Variants in DOCK3 observed in about 807,000 individuals in gnomAD.
DOCK3 encodes the protein dedicator of cytokinesis protein 3.
In DOCK3, 60 loss-of-function variants were observed where a neutral mutation model predicts 265.6. The observed-to-expected ratio is 0.23, with a 90% CI of 0.18 to 0.28. DOCK3 has a LOEUF of 0.28. Ranked by LOEUF, DOCK3 falls within the 10% of genes least tolerant of loss-of-function variation. The pLI is 1.00. For synonymous variants in DOCK3, 881 were observed against 938.0 expected, an observed-to-expected ratio of 0.94 and a Z score of 1.11; for missense variants, 1,981 against 2,594.3, an observed-to-expected ratio of 0.76 and a Z score of 5.14.
intron 3 of DOCK3, among the ~76,000 whole-genome samples, chr3:50,841,993 A>C (rs2045866198): frequency 1.3e-5 from 2 of 152,170 alleles, no homozygotes; most frequent in South Asian, 4.1e-4. Context: ...TTTGACAAAA[A>C]GTACATTGAC....
In DOCK3 at chr3:50,948,021, AATTATTATTATTATT is replaced by A. The variant is rs374547418; in HGVS notation, c.315+13981_315+13995del. On this transcript the variant is annotated intron_variant, in intron 5 of 52. Coordinates refer to ENST00000266037, the MANE Select transcript of DOCK3 (RefSeq NM_004947.5). ...CAGGCACCTGCCACCACGCCCAGCT[AATTATTATTATTATT>A]ATTATTATTATTATTATTATTATTA... Among the ~76,000 whole-genome samples the A allele has an allele frequency of 1.3e-3, 159 of 120,326 alleles. 4 individuals carry two copies. The highest frequency in any genetic ancestry group is 4.1e-3 in the African/African-American group (129 of 31,120). The allele number at this position is 120,326 out of a possible 152,430, so 78.9% of individuals were successfully genotyped here. A position where few individuals can be genotyped will look rare whatever the true frequency, so the allele number is the denominator to read the frequency against.
chr3:51,365,281 TA>T (rs1319440420), intron 49 of DOCK3, among the ~76,000 whole-genome samples: 1 of 152,236 alleles, frequency 6.6e-6, no homozygotes, highest in African/African-American at 2.4e-5. Context: ...GATTTGGCTC[TA>T]TGTTTGTCTG....
chr3:50,914,307 T>C (rs1031915853), intron 4 of DOCK3, among the ~76,000 whole-genome samples: 1 of 152,086 alleles, frequency 6.6e-6, no homozygotes, highest in African/African-American at 2.4e-5. Flanking sequence ...ATTTGAGAGC[T>C]TTCTACTTTT....
chr3:51,089,168 C>T, intron 7 of DOCK3, 75 bp from the exon 8 acceptor site: 2 of 1,470,978 alleles, frequency 1.4e-6, no homozygotes, highest in Non-Finnish European at 9.3e-7. Context: ...GCAGACTGCC[C>T]AGCATATAGA....
intron 4 of DOCK3, among the ~76,000 whole-genome samples, chr3:50,901,462 C>CA (rs2049191825): frequency 6.6e-6 from 1 of 151,974 alleles, no homozygotes; most frequent in African/African-American, 2.4e-5. Flanking sequence ...TGGCTTCACC[C>CA]CCTTTCTAGG....
chr3:51,011,120 G>A (rs2078933177), intron 5 of DOCK3, among the ~76,000 whole-genome samples: 1 of 152,158 alleles, frequency 6.6e-6, no homozygotes, highest in African/African-American at 2.4e-5. Flanking sequence ...TTCTCGAGGA[G>A]TGTCTTTATG....
chr3:50,799,820 G>T (rs1224389872), intron 2 of DOCK3, among the ~76,000 whole-genome samples: 3 of 152,088 alleles, frequency 2.0e-5, no homozygotes, highest in Non-Finnish European at 4.4e-5. Flanking sequence ...CATTCCAGAA[G>T]ATGCTAGCTG....
chr3:51,219,328 C>A (rs1011426507), intron 14 of DOCK3, among the ~76,000 whole-genome samples: 1 of 152,082 alleles, frequency 6.6e-6, no homozygotes, highest in African/African-American at 2.4e-5. Context: ...TGCTTATTGC[C>A]TGCTTTGTTC....
chr3:51,324,381 G>A (rs1029428796), intron 32 of DOCK3, among the ~76,000 whole-genome samples: 8 of 144,174 alleles, frequency 5.5e-5, no homozygotes, highest in South Asian at 2.3e-4. Flanking sequence ...GAAGGACCCC[G>A]TCAAGGAGAA....
intron 5 of DOCK3, among the ~76,000 whole-genome samples, chr3:51,008,089 T>C (rs1027102017): frequency 6.6e-6 from 1 of 152,170 alleles, no homozygotes; most frequent in African/African-American, 2.4e-5. Flanking sequence ...GGCTTAGGAT[T>C]GTGTTGGCAA....
intron 27 of DOCK3, among the ~76,000 whole-genome samples, chr3:51,285,215 C>T (rs2081342379): frequency 6.6e-6 from 1 of 152,008 alleles, no homozygotes; most frequent in Admixed American, 6.6e-5. Context: ...GATCCTTCTA[C>T]ACAAGGCCAA....
At chr3:50,974,656 G>T (rs1234778720) in intron 5 of DOCK3, among the ~76,000 whole-genome samples, 1 of 100,862 alleles carries the variant, frequency 9.9e-6, no homozygotes, top group Non-Finnish European at 2.1e-5. Context: ...CTTTAAAGTA[G>T]TTTTTTCCAA....
chr3:51,326,582 T>TG (rs2084131634), intron 32 of DOCK3, among the ~76,000 whole-genome samples: 4 of 119,152 alleles, frequency 3.4e-5, no homozygotes, highest in Middle Eastern at 3.9e-3. Context: ...GCCTGGCATG[T>TG]TTTGTTGTTG....
intron 12 of DOCK3, among the ~76,000 whole-genome samples, chr3:51,176,089 T>C (rs114518732): frequency 3.7e-4 from 57 of 152,350 alleles, no homozygotes; most frequent in Non-Finnish European, 6.8e-4. Context: ...TGTTTGTATA[T>C]TATTTCTGCT....
intron 5 of DOCK3, among the ~76,000 whole-genome samples, chr3:50,937,275 C>G: frequency 3.9e-5 from 1 of 25,592 alleles, no homozygotes; most frequent in South Asian, 2.2e-3. Flanking sequence ...AAAACTCCAT[C>G]TAAAAAAAAA....
At chr3:51,082,824 G>T (rs2082289897) in intron 7 of DOCK3, among the ~76,000 whole-genome samples, 2 of 152,262 alleles carry the variant, frequency 1.3e-5, no homozygotes, top group South Asian at 4.1e-4. Context: ...AGACCTATAG[G>T]ATAGGTCTGT....
At chr3:50,847,197 T>C (rs1013254549) in intron 3 of DOCK3, among the ~76,000 whole-genome samples, 11 of 152,058 alleles carry the variant, frequency 7.2e-5, no homozygotes, top group Non-Finnish European at 1.5e-4. Flanking sequence ...TTTTAAAGAG[T>C]TTTTTGATTT....
intron 20 of DOCK3, 99 bp downstream of exon 20, chr3:51,236,527 A>T: frequency 9.2e-7 from 1 of 1,081,844 alleles, no homozygotes; most frequent in Non-Finnish European, 1.4e-6. Flanking sequence ...TCAGCACAAG[A>T]TATAGATGTT....
At chr3:51,077,448 CAGG>C (rs757194805) in intron 7 of DOCK3, among the ~76,000 whole-genome samples, 1 of 152,050 alleles carries the variant, frequency 6.6e-6, no homozygotes, top group Non-Finnish European at 1.5e-5. Flanking sequence ...GTCATTCAAG[CAGG>C]AGAACTTAAT....
Sources: gnomAD v4.1 joint callset for allele counts (sites outside exome capture counted in the v4.1 genomes callset) on GRCh38, gnomAD v4.1.1 for gene constraint, MANE v1.5 for transcripts, NCBI Gene and HGNC (gene_info 2026-07-23, HGNC 2026-07-21) for gene names.